PLOD2: variants seen among roughly 807,000 people sequenced by gnomAD.
PLOD2 encodes lysine hydroxylase 2.
In PLOD2, 65 loss-of-function variants were observed where a neutral mutation model predicts 101.0. That is an observed-to-expected ratio of 0.64 (90% CI 0.53 to 0.79). The LOEUF (loss-of-function observed/expected upper bound fraction) is 0.79. Ranked by LOEUF, PLOD2 falls within the 30% of genes least tolerant of loss-of-function variation. PLOD2 has a pLI of 0.00. For synonymous variants in PLOD2, 314 were observed against 302.9 expected, an observed-to-expected ratio of 1.04 and a Z score of -0.38; for missense variants, 909 against 914.6, an observed-to-expected ratio of 0.99 and a Z score of 0.08.
In PLOD2 at chr3:146,144,475, T is replaced by C. The variant is rs990698930; in HGVS notation, c.109+16406A>G. ...AACCTTCTGGAAATCAACTCCACAATATGTAACAAGAGACAGAAAGAGTAC... is the reference window on the plus strand; with the variant it reads ...AACCTTCTGGAAATCAACTCCACAACATGTAACAAGAGACAGAAAGAGTAC... On this transcript the variant is annotated intron_variant, in intron 1 of 19. Coordinates refer to ENST00000282903, the MANE Select transcript of PLOD2 (RefSeq NM_182943.3). Among the ~76,000 whole-genome samples the C allele has an allele frequency of 5.4e-5, 7 of 128,552 alleles. No individual in the cohort carries two copies. In the East Asian group the frequency reaches 1.8e-3, roughly 33 times the overall value. 84.3% of individuals were successfully genotyped at this position (128,552 alleles called of 152,430 possible).
intron 7 of PLOD2, among the ~76,000 whole-genome samples, chr3:146,096,884 G>T (rs1213564124): frequency 2.0e-5 from 2 of 100,710 alleles, no homozygotes; most frequent in Non-Finnish European, 4.5e-5. Context: ...GGGAGGTGGG[G>T]GGGGGGAGTC....
intron 1 of PLOD2, among the ~76,000 whole-genome samples, chr3:146,158,610 C>T (rs2032413390): frequency 6.6e-6 from 1 of 151,758 alleles, no homozygotes; most frequent in Non-Finnish European, 1.5e-5. Flanking sequence ...ATAGATTAGT[C>T]TAATCCAGGG....
In PLOD2 at chr3:146,104,194, C is replaced by G. The variant is rs1576596857; in HGVS notation, c.679+85G>C. On this transcript the variant is annotated intron_variant, in intron 6 of 19. Coordinates refer to ENST00000282903, the MANE Select transcript of PLOD2 (RefSeq NM_182943.3). Reference sequence around the variant, plus strand: ...ACACTGTCGACCTTAGTCACAGCCCCCAAATGGACATAACAAAGGAAAGAT... The same window carrying G: ...ACACTGTCGACCTTAGTCACAGCCCGCAAATGGACATAACAAAGGAAAGAT... 8 of 830,370 alleles carry G rather than the reference C, an allele frequency of 9.6e-6. No homozygotes were observed. The East Asian group carries it at 1.9e-4, about 20-fold the overall frequency. 51.4% of individuals were successfully genotyped at this position (830,370 alleles called of 1,614,324 possible).
At chr3:146,133,000 C>G in intron 1 of PLOD2, among the ~76,000 whole-genome samples, 1 of 151,992 alleles carries the variant, frequency 6.6e-6, no homozygotes, top group East Asian at 1.9e-4. Flanking sequence ...ATGGTGAAAC[C>G]CGGTCTCTAC....
At chr3:146,133,442 C>T (rs867433766) in intron 1 of PLOD2, among the ~76,000 whole-genome samples, 1 of 152,190 alleles carries the variant, frequency 6.6e-6, no homozygotes. Flanking sequence ...CTTAGAACTG[C>T]TTGCAATAAC....
At chr3:146,110,728 T>A (rs919083740) in intron 3 of PLOD2, among the ~76,000 whole-genome samples, 1 of 152,160 alleles carries the variant, frequency 6.6e-6, no homozygotes, top group Non-Finnish European at 1.5e-5. Context: ...ATTCCCAAAT[T>A]GAAATTCTGA....
chr3:146,156,484 T>C (rs1387146204), intron 1 of PLOD2, among the ~76,000 whole-genome samples: 1 of 152,248 alleles, frequency 6.6e-6, no homozygotes, highest in African/African-American at 2.4e-5. Context: ...AATTTTCATG[T>C]TTCATAATAT....
At chr3:146,081,344 T>G (rs1936533915) in intron 12 of PLOD2, among the ~76,000 whole-genome samples, 1 of 152,168 alleles carries the variant, frequency 6.6e-6, no homozygotes, top group South Asian at 2.1e-4. Flanking sequence ...CTGTTAGTGT[T>G]ACTGTTGGCT....
At chr3:146,114,710 T>C (rs1937818179) in intron 3 of PLOD2, among the ~76,000 whole-genome samples, 1 of 151,966 alleles carries the variant, frequency 6.6e-6, no homozygotes, top group African/African-American at 2.4e-5. Flanking sequence ...AAAGTAGAGG[T>C]AGCTACTGGA....
chr3:146,114,400 G>T (rs1347300214), intron 3 of PLOD2, among the ~76,000 whole-genome samples: 1 of 151,990 alleles, frequency 6.6e-6, no homozygotes, highest in East Asian at 1.9e-4. Context: ...GACTAATACA[G>T]CAAAAGAAAC....
chr3:146,076,701 C>T (rs1936352822), intron 15 of PLOD2, 81 bp downstream of exon 15: 1 of 751,652 alleles, frequency 1.3e-6, no homozygotes, highest in East Asian at 2.5e-5. Context: ...AGCCTCTAAC[C>T]ACATTTCATA....
chr3:146,110,312 T>C lies in PLOD2; in HGVS notation c.475A>G (p.Ile159Val). Reference sequence around the variant, plus strand: ...CCTGAATTCAGATAGCGTTTCCCAATGTGCACAACAGGATACTTGTCTGCT... The same window carrying C: ...CCTGAATTCAGATAGCGTTTCCCAACGTGCACAACAGGATACTTGTCTGCT... ...RLADKYPVVH[I>V]GKRYLNSGGF... The change falls in exon 4 of 20, where the codon ATT becomes GTT. Residue 159 changes from isoleucine (I) to valine (V), a missense_variant. Coordinates refer to ENST00000282903, the MANE Select transcript of PLOD2 (RefSeq NM_182943.3). The C allele has an allele frequency of 1.2e-6, 2 of 1,613,902 alleles. No individual in the cohort carries two copies. The highest frequency in any genetic ancestry group is 8.5e-7 in the Non-Finnish European group (1 of 1,179,840).
intron 7 of PLOD2, among the ~76,000 whole-genome samples, chr3:146,093,847 C>T (rs1937060143): frequency 1.3e-5 from 2 of 152,140 alleles, no homozygotes; most frequent in African/African-American, 4.8e-5. Flanking sequence ...TAAAAGACAG[C>T]ACTTTTAGTT....
chr3:146,081,015 A>C (rs1936521967), intron 12 of PLOD2, among the ~76,000 whole-genome samples: 1 of 151,954 alleles, frequency 6.6e-6, no homozygotes, highest in Non-Finnish European at 1.5e-5. Flanking sequence ...GCCCCTTTTT[A>C]ATCAGGCTGA....
At chr3:146,158,070 A>T (rs2032385971) in intron 1 of PLOD2, among the ~76,000 whole-genome samples, 1 of 152,214 alleles carries the variant, frequency 6.6e-6, no homozygotes, top group South Asian at 2.1e-4. Flanking sequence ...ATAGAATAGT[A>T]AGGTGCCTCA....
intron 1 of PLOD2, among the ~76,000 whole-genome samples, chr3:146,147,207 C>A (rs1167582042): frequency 1.3e-5 from 2 of 152,040 alleles, no homozygotes; most frequent in Non-Finnish European, 1.5e-5. Context: ...CAATAAAAAT[C>A]TACAAAAAAA....
At chr3:146,138,636 T>C (rs2031365916) in intron 1 of PLOD2, among the ~76,000 whole-genome samples, 1 of 152,026 alleles carries the variant, frequency 6.6e-6, no homozygotes, top group South Asian at 2.1e-4. Flanking sequence ...CAGAAGAGAC[T>C]ATGCAAGGGA....
chr3:146,087,514 G>A (rs1349919515), intron 9 of PLOD2, among the ~76,000 whole-genome samples: 1 of 151,872 alleles, frequency 6.6e-6, no homozygotes, highest in East Asian at 1.9e-4. Flanking sequence ...ATTTTAGTGT[G>A]ATTCGACTGT....
chr3:146,143,405 C>T (rs908279116), intron 1 of PLOD2, among the ~76,000 whole-genome samples: 1 of 150,078 alleles, frequency 6.7e-6, no homozygotes, highest in South Asian at 2.1e-4. Context: ...TGGAGTCATC[C>T]TTAACTCCTG....
Sources: gnomAD v4.1 joint callset for allele counts (sites outside exome capture counted in the v4.1 genomes callset) on GRCh38, gnomAD v4.1.1 for gene constraint, MANE v1.5 for transcripts, NCBI Gene and HGNC (gene_info 2026-07-23, HGNC 2026-07-21) for gene names.